WDR75: variants seen among roughly 807,000 people sequenced by gnomAD.
WDR75 encodes the protein WD repeat-containing protein 75.
Under a neutral mutation model 106.1 loss-of-function variants are expected in WDR75, and 52 were observed. The ratio of observed to expected loss-of-function variants is 0.49; its 90% CI spans 0.39 to 0.62. The LOEUF (loss-of-function observed/expected upper bound fraction) is 0.62. WDR75 is among the 20% of genes least tolerant of loss of function. The pLI is 0.00. For missense variants in WDR75, 905 were observed against 970.3 expected (o/e 0.93, Z 0.89); for synonymous variants, 333 against 335.5 (o/e 0.99, Z 0.08).
At chr2:189,474,427 G>A (rs921804790) in intron 19 of WDR75, 95 bp downstream of exon 19, 2 of 1,387,866 alleles carry the variant, frequency 1.4e-6, no homozygotes, top group Non-Finnish European at 2.0e-6. Flanking sequence ...TTTGTATGCT[G>A]TACAACTTTA....
intron 8 of WDR75, among the ~76,000 whole-genome samples, chr2:189,461,380 A>C (rs6711766): frequency 0.065 from 9,836 of 152,212 alleles, 479 homozygotes; most frequent in African/African-American, 0.14. Context: ...AGCTGTTGCT[A>C]TATTTGAGGA....
intron 3 of WDR75, 45 bp downstream of exon 3, chr2:189,451,013 G>A (rs756969134): frequency 5.1e-5 from 80 of 1,573,306 alleles, no homozygotes; most frequent in Non-Finnish European, 6.6e-5. Flanking sequence ...ATAAAAAAAG[G>A]CAATGTAATT....
intron 18 of WDR75, among the ~76,000 whole-genome samples, chr2:189,473,387 A>G (rs1481634982): frequency 6.6e-6 from 1 of 152,176 alleles, no homozygotes; most frequent in Non-Finnish European, 1.5e-5. Context: ...TAGACGTGTT[A>G]TTCGAACCCT....
intron 2 of WDR75, 89 bp from the exon 3 acceptor site, chr2:189,450,814 A>T (rs1686602292): frequency 6.4e-7 from 1 of 1,562,300 alleles, no homozygotes. Context: ...ATGAATAGAA[A>T]ATGCCCCTGA....
chr2:189,447,157 A>AT, intron 1 of WDR75, among the ~76,000 whole-genome samples: 1 of 152,358 alleles, frequency 6.6e-6, no homozygotes, highest in South Asian at 2.1e-4. Context: ...GAAACCATAA[A>AT]TAAGAGAGTA....
chr2:189,448,297 A>G, intron 1 of WDR75, 82 bp from the exon 2 acceptor site: 8 of 1,417,352 alleles, frequency 5.6e-6, no homozygotes, highest in South Asian at 3.1e-5. Context: ...CACTGAAACA[A>G]TGATGAAAAA....
At chr2:189,445,841 G>T (rs1686488598) in intron 1 of WDR75, among the ~76,000 whole-genome samples, 1 of 152,178 alleles carries the variant, frequency 6.6e-6, no homozygotes, top group African/African-American at 2.4e-5. Context: ...AAATAAAAAA[G>T]AAGTAATTAG....
rs1188214718 is a variant in WDR75, at chr2:189,442,442, C to CTTTTTTTTTTTTTTTT, written c.86+875_86+890dup. Among the ~76,000 whole-genome samples the CTTTTTTTTTTTTTTTT allele has an allele frequency of 8.1e-5, 6 of 73,952 alleles. 1 individual carries two copies. The highest frequency in any genetic ancestry group is 1.7e-4 in the African/African-American group (3 of 18,144). 48.5% of individuals were successfully genotyped at this position (73,952 alleles called of 152,430 possible). ...GAAAGTTTGTAGCCTCCACAATATTCTTTTTTTTTTTTTTTTTTTTTTTTT... is the reference window on the plus strand; with the variant it reads ...GAAAGTTTGTAGCCTCCACAATATTCTTTTTTTTTTTTTTTTTTTTTTTTTTTTTTTTTTTTTTTTT... On this transcript the variant is annotated intron_variant, in intron 1 of 20. Transcript: ENST00000314761.
chr2:189,468,460 G>A lies in WDR75; in HGVS notation c.1629-15G>A. The A allele has an allele frequency of 6.2e-7, 1 of 1,612,504 alleles. No individual in the cohort carries two copies. The highest frequency in any genetic ancestry group is 8.5e-7 in the Non-Finnish European group (1 of 1,178,832). ...AGAACTGACTGTTGCTAACTTCCTT[G>A]TGGTTTTAATCTAGGCACCTTTGCT... On this transcript the variant is annotated splice_polypyrimidine_tract_variant and intron_variant, in intron 14 of 20. Transcript: ENST00000314761.
chr2:189,451,485 G>A (rs1015986383), intron 3 of WDR75, among the ~76,000 whole-genome samples: 8 of 152,256 alleles, frequency 5.3e-5, no homozygotes, highest in Middle Eastern at 6.8e-3. Flanking sequence ...AACACGTTTT[G>A]CTACAGCAGT....
chr2:189,475,537 T>G lies in WDR75; in HGVS notation c.*120T>G, dbSNP rs987427589. 1.6e-5 allele frequency: 11 copies of G among 703,492 alleles called. No homozygotes were observed. Among genetic ancestry groups the G allele is most frequent in the Admixed American group, 3.7e-5 (1 of 27,190 alleles). 43.6% of individuals were successfully genotyped at this position (703,492 alleles called of 1,614,324 possible). On this transcript the variant is annotated 3_prime_UTR_variant, in exon 21 of 21. Transcript: ENST00000314761. ...ATAAGATAATAAATATTAACAAACT[T>G]TGCTTTTTTAAAAAACTGATAATAT...
chr2:189,470,945 T>A, intron 18 of WDR75, 67 bp downstream of exon 18: 1 of 1,248,268 alleles, frequency 8.0e-7, no homozygotes, highest in African/African-American at 1.5e-5. Flanking sequence ...CTTTTAGAAG[T>A]CAACTATGAA....
chr2:189,449,855 GTC>G (rs2106113317), intron 2 of WDR75: 1 of 984,782 alleles, frequency 1.0e-6, no homozygotes, highest in Non-Finnish European at 1.2e-6. Flanking sequence ...CTGAGTCCAT[GTC>G]TCTATTTGCA....
rs557218779 is a variant in WDR75 at position 189,462,718 on chromosome 2, A to G, written c.937+76A>G. On this transcript the variant is annotated intron_variant, in intron 9 of 20. Coordinates refer to ENST00000314761, the MANE Select transcript of WDR75 (RefSeq NM_032168.3). ...CTAGCATCTGTAGGGAACAGAGAAT[A>G]AAGAGACCTAAAACTAAGAGTAGCG... is the stretch of plus-strand genomic sequence containing the variant. The G allele has an allele frequency of 6.0e-5, 83 of 1,384,972 alleles. 1 individual carries two copies. In the South Asian group the frequency reaches 1.0e-3, roughly 17 times the overall value. 85.8% of individuals were successfully genotyped at this position (1,384,972 alleles called of 1,614,324 possible). A position where few individuals can be genotyped will look rare whatever the true frequency, so the allele number is the denominator to read the frequency against.
rs367657936 is a variant in WDR75, at chr2:189,467,610, A to G, written c.1590A>G (p.Glu530=). ...CAATATGGGATTCTGTAACATGGGA[A>G]CTTAAATGTACATTTTGCCAACGAG... ...IVTIWDSVTW[E]LKCTFCQRAG... The change falls in exon 14 of 21, where the codon GAA becomes GAG. Residue 530 remains glutamate (E), a synonymous_variant. Transcript: ENST00000314761. The G allele has an allele frequency of 1.4e-5, 22 of 1,604,768 alleles. No individual in the cohort carries two copies. Among genetic ancestry groups the G allele is most frequent in the South Asian group, 9.0e-5 (8 of 88,744 alleles).
chr2:189,448,978 T>C (rs1168971282), intron 2 of WDR75: 2 of 415,692 alleles, frequency 4.8e-6, no homozygotes, highest in Non-Finnish European at 9.7e-6. Flanking sequence ...ACTCTAGATA[T>C]TGCCTAGTCT....
intron 17 of WDR75, 112 bp downstream of exon 17, chr2:189,470,357 T>A (rs997392466): frequency 8.1e-7 from 1 of 1,236,378 alleles, no homozygotes; most frequent in African/African-American, 1.5e-5. Context: ...ATTAAAGGAT[T>A]ATTTCCCAAA....
intron 14 of WDR75, 99 bp downstream of exon 14, chr2:189,467,747 T>C: frequency 8.8e-7 from 1 of 1,131,482 alleles, no homozygotes; most frequent in Non-Finnish European, 1.2e-6. Flanking sequence ...AAAAGTAGCC[T>C]GAAGGTCAGT....
At chr2:189,450,840 T>G (rs1412128003) in intron 2 of WDR75, 63 bp from the exon 3 acceptor site, 2 of 1,593,200 alleles carry the variant, frequency 1.3e-6, no homozygotes, top group Non-Finnish European at 1.7e-6. Context: ...ATTTAATTAT[T>G]CATTTGATAT....
Sources: allele counts gnomAD v4.1 joint callset (sites outside exome capture counted in the v4.1 genomes callset), GRCh38; gene constraint gnomAD v4.1.1; transcripts MANE v1.5; gene names NCBI Gene and HGNC (gene_info 2026-07-23, HGNC 2026-07-21).